AK5: variants seen among roughly 807,000 people sequenced by gnomAD.
AK5 encodes the protein adenylate kinase isoenzyme 5.
AK5 carries 27 observed loss-of-function variants against 69.5 expected under a neutral mutation model. That is an observed-to-expected ratio of 0.39 (90% CI 0.29 to 0.54). The LOEUF (loss-of-function observed/expected upper bound fraction) is 0.54, where lower values mean the gene tolerates loss of function less well. Ranked by LOEUF, AK5 falls within the 20% of genes least tolerant of loss-of-function variation. The probability of loss-of-function intolerance (pLI) is 0.71; values close to 1 mark genes in which losing one functional copy is unlikely to be tolerated. For missense variants in AK5, 531 were observed against 700.4 expected, an observed-to-expected ratio of 0.76 and a Z score of 2.73; for synonymous variants, 260 against 244.4, an observed-to-expected ratio of 1.06 and a Z score of -0.60.
intron 2 of AK5, among the ~76,000 whole-genome samples, chr1:77,291,352 T>G (rs1658674925): frequency 6.6e-6 from 1 of 152,154 alleles, no homozygotes; most frequent in Non-Finnish European, 1.5e-5. Flanking sequence ...GCCTAAGCCT[T>G]CATTTCTCAT....
At chr1:77,290,660 T>A (rs10493602) in intron 2 of AK5, among the ~76,000 whole-genome samples, 8,913 of 152,288 alleles carry the variant, frequency 0.059, 435 homozygotes, top group East Asian at 0.2. Flanking sequence ...TCTCATTATC[T>A]TATATTCAAC....
intron 12 of AK5, among the ~76,000 whole-genome samples, chr1:77,533,504 G>T (rs1658770379): frequency 2.5e-5 from 2 of 79,986 alleles, no homozygotes; most frequent in Admixed American, 2.1e-4. Flanking sequence ...GCAAGACTCT[G>T]TCACCAAAAA....
intron 8 of AK5, among the ~76,000 whole-genome samples, chr1:77,435,457 G>A (rs1175123651): frequency 3.3e-5 from 5 of 152,010 alleles, no homozygotes; most frequent in Non-Finnish European, 7.4e-5. Flanking sequence ...AGACCATCGT[G>A]GCCTACATGG....
At position 77,559,573 on chromosome 1, in the gene AK5, A is replaced by C. The variant is rs1660330587; in HGVS notation, c.*903A>C. On this transcript the variant is annotated 3_prime_UTR_variant, in exon 14 of 14. Transcript: ENST00000354567. Reference sequence around the variant, plus strand: ...TTTATTTGTTGCCAAGCAAGTAAAAAAATACCCTAACAAACCTGATGTGGG... The same window carrying C: ...TTTATTTGTTGCCAAGCAAGTAAAACAATACCCTAACAAACCTGATGTGGG... 6.6e-6 allele frequency: 1 copy of C among 152,228 alleles called. No homozygotes were observed. Among genetic ancestry groups the C allele is most frequent in the African/African-American group, 2.4e-5 (1 of 41,458 alleles). 9.4% of individuals were successfully genotyped at this position (152,228 alleles called of 1,614,324 possible).
chr1:77,500,184 T>C (rs1656628066), intron 10 of AK5, among the ~76,000 whole-genome samples: 1 of 152,136 alleles, frequency 6.6e-6, no homozygotes, highest in South Asian at 2.1e-4. Flanking sequence ...TAAGAAACTC[T>C]TCCTCTGGTC....
intron 13 of AK5, among the ~76,000 whole-genome samples, chr1:77,554,904 CCA>C: frequency 6.6e-6 from 1 of 151,988 alleles, no homozygotes; most frequent in Non-Finnish European, 1.5e-5. Context: ...GCGTGAGCCA[CCA>C]TGCCCAGCCT....
chr1:77,535,514 AT>A (rs1276603822), intron 12 of AK5, among the ~76,000 whole-genome samples: 1 of 152,174 alleles, frequency 6.6e-6, no homozygotes, highest in Non-Finnish European at 1.5e-5. Flanking sequence ...AAGGCTTCAC[AT>A]TAGAGGAAAC....
chr1:77,297,869 G>A lies in AK5; in HGVS notation c.621G>A (p.Met207Ile), dbSNP rs748906617. Residue 207 changes from methionine to isoleucine, a missense_variant, in exon 5 of 14, where the codon ATG (methionine) becomes ATA (isoleucine). Transcript: ENST00000354567. ...TTITEIKQKL[M>I]QIPDEEGIVI... ...TTACAGAGATAAAACAAAAATTGAT[G>A]CAAATACCTGATGAAGAGGGCATTG... is the stretch of plus-strand genomic sequence containing the variant. 3 of 1,613,244 alleles carry A rather than the reference G, an allele frequency of 1.9e-6. No individual in the cohort carries two copies. Among genetic ancestry groups the A allele is most frequent in the Non-Finnish European group, 2.5e-6 (3 of 1,179,734 alleles).
chr1:77,376,139 G>A (rs1055691690), intron 6 of AK5, among the ~76,000 whole-genome samples: 1 of 152,180 alleles, frequency 6.6e-6, no homozygotes, highest in Non-Finnish European at 1.5e-5. Context: ...ACTCCTGGCT[G>A]TGCGTGAAAA....
At chr1:77,390,583 G>A (rs974668051) in intron 6 of AK5, among the ~76,000 whole-genome samples, 6 of 152,088 alleles carry the variant, frequency 3.9e-5, no homozygotes, top group South Asian at 4.2e-4. Context: ...TGAAAAAAAG[G>A]CAATAGGAAT....
At chr1:77,447,365 T>C (rs1053558188) in intron 8 of AK5, among the ~76,000 whole-genome samples, 4 of 152,220 alleles carry the variant, frequency 2.6e-5, no homozygotes, top group African/African-American at 9.6e-5. Flanking sequence ...ATTCAATAGA[T>C]TTCCACTCTG....
intron 8 of AK5, among the ~76,000 whole-genome samples, chr1:77,438,861 A>T (rs1652131585): frequency 6.6e-6 from 1 of 152,188 alleles, no homozygotes; most frequent in Non-Finnish European, 1.5e-5. Flanking sequence ...CTTGCCAGAA[A>T]AGACAAAAGT....
In AK5 at chr1:77,355,868, T is replaced by TACACACACACACAC. The variant is rs66682700; in HGVS notation, c.891+15324_891+15337dup. Among the ~76,000 whole-genome samples the TACACACACACACAC allele has an allele frequency of 4.6e-3, 676 of 146,242 alleles. 3 individuals carry two copies. Among genetic ancestry groups the TACACACACACACAC allele is most frequent in the African/African-American group, 0.016 (634 of 39,458 alleles). On this transcript the variant is annotated intron_variant, in intron 6 of 13. Coordinates refer to ENST00000354567, the MANE Select transcript of AK5 (RefSeq NM_174858.3). ...GAATTTTTTGATGACCCTCATTAAA[T>TACACACACACACAC]ACACACACACACACACACACACACA...
intron 13 of AK5, among the ~76,000 whole-genome samples, chr1:77,543,816 G>A (rs148459134): frequency 1.1e-4 from 16 of 152,306 alleles, no homozygotes; most frequent in Admixed American, 1.0e-3. Flanking sequence ...TGCGAGGTAA[G>A]AGCAGGGACA....
chr1:77,402,277 T>G (rs1462974507), intron 6 of AK5, among the ~76,000 whole-genome samples: 3 of 152,138 alleles, frequency 2.0e-5, no homozygotes, highest in African/African-American at 7.2e-5. Context: ...TTCTTGTAGC[T>G]GAAAACTTTT....
At chr1:77,452,591 A>AGTCACC (rs1262342446) in intron 8 of AK5, among the ~76,000 whole-genome samples, 1 of 152,228 alleles carries the variant, frequency 6.6e-6, no homozygotes, top group African/African-American at 2.4e-5. Flanking sequence ...CCAAAATGCC[A>AGTCACC]GTCACCTATG....
chr1:77,396,876 T>C lies in AK5; in HGVS notation c.892-14105T>C, dbSNP rs568193538. 2.0e-5 allele frequency among the ~76,000 whole-genome samples: 3 copies of C among 152,350 alleles called. No homozygotes were observed. The East Asian group carries it at 5.8e-4, about 29-fold the overall frequency. On this transcript the variant is annotated intron_variant, in intron 6 of 13. Transcript: ENST00000354567. ...TGATTGTTCTGGGATTTAACTGGGA[T>C]GTTTGCAAGATGCTTTGCCTATTAC...
At chr1:77,406,358 T>C (rs1570515651) in intron 6 of AK5, among the ~76,000 whole-genome samples, 1 of 152,174 alleles carries the variant, frequency 6.6e-6, no homozygotes, top group Non-Finnish European at 1.5e-5. Flanking sequence ...TGGAGGCTGG[T>C]GGACTCCATG....
chr1:77,469,800 A>G (rs1367316833), intron 8 of AK5, among the ~76,000 whole-genome samples: 2 of 152,228 alleles, frequency 1.3e-5, no homozygotes, highest in African/African-American at 2.4e-5. Flanking sequence ...TGGAACTAGC[A>G]TACTGTAACC....
Sources: gnomAD v4.1 joint callset for allele counts (sites outside exome capture counted in the v4.1 genomes callset) on GRCh38, gnomAD v4.1.1 for gene constraint, MANE v1.5 for transcripts, NCBI Gene and HGNC (gene_info 2026-07-23, HGNC 2026-07-21) for gene names.